The following LEKR1 variants were observed in gnomAD, a reference collection of about 807,000 sequenced individuals.
The protein encoded by LEKR1 is protein LEKR1.
In LEKR1, 59 loss-of-function variants were observed where a neutral mutation model predicts 72.4. The observed-to-expected ratio is 0.82, with a 90% CI of 0.66 to 1.01. The LOEUF (loss-of-function observed/expected upper bound fraction) is 1.01. Among genes scored for constraint, LEKR1 ranks in the 50% least tolerant of loss-of-function variants. The pLI is 0.00. For missense variants in LEKR1, 728 were observed against 759.2 expected (o/e 0.96, Z 0.48); for synonymous variants, 257 against 263.2 (o/e 0.98, Z 0.23).
At chr3:156,895,825 G>A (rs1721124884) in intron 3 of LEKR1, among the ~76,000 whole-genome samples, 1 of 152,118 alleles carries the variant, frequency 6.6e-6, no homozygotes, top group South Asian at 2.1e-4. Flanking sequence ...TCTAGAAGGA[G>A]AAATACCATT....
chr3:156,869,470 T>A (rs9826073), intron 3 of LEKR1, among the ~76,000 whole-genome samples: 132,105 of 152,106 alleles, frequency 0.87, 57,680 homozygotes, highest in African/African-American at 0.96. Context: ...ACATTTTTTC[T>A]TATACCTGTT....
At chr3:157,010,240 G>T in intron 9 of LEKR1, among the ~76,000 whole-genome samples, 1 of 151,336 alleles carries the variant, frequency 6.6e-6, no homozygotes, top group South Asian at 2.1e-4. Context: ...ACTTTCTTCT[G>T]CCTATCTTGG....
At chr3:157,015,374 T>C (rs1031384636) in intron 10 of LEKR1, among the ~76,000 whole-genome samples, 1 of 152,168 alleles carries the variant, frequency 6.6e-6, no homozygotes, top group African/African-American at 2.4e-5. Flanking sequence ...AGAGAGAATA[T>C]TGAATACTTG....
intron 6 of LEKR1, chr3:156,977,597 C>A: frequency 3.5e-6 from 1 of 288,798 alleles, no homozygotes; most frequent in Non-Finnish European, 7.0e-6. Flanking sequence ...ACATATGCAA[C>A]AAAGTATACA....
intron 3 of LEKR1, among the ~76,000 whole-genome samples, chr3:156,899,762 A>ATACATGCATATATACACATATG (rs1721803675): frequency 3.9e-5 from 5 of 128,766 alleles, no homozygotes; most frequent in African/African-American, 1.3e-4. Flanking sequence ...ATACACATAT[A>ATACATGCATATATACACATATG]CATGCATATA....
intron 2 of LEKR1, 36 bp from the exon 3 acceptor site, chr3:156,852,732 T>A (rs925855572): frequency 1.9e-5 from 22 of 1,146,110 alleles, no homozygotes; most frequent in South Asian, 3.2e-5. Context: ...TTTTCAGAAT[T>A]AAAAAAATTT....
At chr3:156,840,152 A>T (rs949523824) in intron 2 of LEKR1, among the ~76,000 whole-genome samples, 1 of 152,160 alleles carries the variant, frequency 6.6e-6, no homozygotes, top group South Asian at 2.1e-4. Flanking sequence ...AATATGCATT[A>T]ATTGAATGTT....
chr3:156,961,825 A>G (rs1728158914), intron 6 of LEKR1, among the ~76,000 whole-genome samples: 1 of 152,216 alleles, frequency 6.6e-6, no homozygotes, highest in Admixed American at 6.5e-5. Flanking sequence ...CTACCTTAAT[A>G]CATTAGAATA....
At chr3:156,844,110 T>C (rs1408544760) in intron 2 of LEKR1, among the ~76,000 whole-genome samples, 1 of 151,854 alleles carries the variant, frequency 6.6e-6, no homozygotes, top group African/African-American at 2.4e-5. Context: ...AGTGGAAAAA[T>C]AGGTATTGGA....
chr3:156,943,413 A>C (rs1016052653), intron 6 of LEKR1, among the ~76,000 whole-genome samples: 2 of 151,924 alleles, frequency 1.3e-5, no homozygotes, highest in Admixed American at 6.6e-5. Flanking sequence ...TGTGCTAGAC[A>C]CTTTATGTGA....
intron 9 of LEKR1, among the ~76,000 whole-genome samples, chr3:157,006,170 T>A (rs1184853035): frequency 6.7e-6 from 1 of 149,362 alleles, no homozygotes; most frequent in African/African-American, 2.5e-5. Context: ...CGCGCCCGGC[T>A]AATTTTTTGT....
chr3:156,988,302 CA>C, intron 7 of LEKR1: 1 of 209,094 alleles, frequency 4.8e-6, no homozygotes. Context: ...AGAACAGTAC[CA>C]AAGACAGCAC....
chr3:156,842,837 C>T (rs902081447), intron 2 of LEKR1, among the ~76,000 whole-genome samples: 4 of 152,162 alleles, frequency 2.6e-5, no homozygotes, highest in African/African-American at 9.7e-5. Context: ...AGGTCTTTTT[C>T]CTTTTTTATC....
At chr3:156,866,930 A>C (rs760640588) in intron 3 of LEKR1, among the ~76,000 whole-genome samples, 1 of 152,028 alleles carries the variant, frequency 6.6e-6, no homozygotes, top group Non-Finnish European at 1.5e-5. Flanking sequence ...CTTGATGATG[A>C]TGTTGATTGA....
intron 3 of LEKR1, among the ~76,000 whole-genome samples, chr3:156,865,500 C>T (rs555848222): frequency 6.6e-6 from 1 of 152,090 alleles, no homozygotes; most frequent in East Asian, 1.9e-4. Context: ...TATCACCTTC[C>T]TCTTAAATAT....
At position 156,852,935 on chromosome 3, in the gene LEKR1, C is replaced by T. The variant is rs963299668; in HGVS notation, c.216C>T (p.Ser72=). The part of the protein sequence containing the change: ...KRLQEKLHSL[S]QELEQYKIDN... ...TTCAAGAAAAGCTGCATTCTCTTAG[C>T]CAAGAACTTGAACAGTACAAAATTG... The change falls in exon 3 of 13, where the codon AGC becomes AGT. Residue 72 remains serine (S), a synonymous_variant. Transcript: ENST00000356539. 1.3e-6 allele frequency: 2 copies of T among 1,535,342 alleles called. No homozygotes were observed. Among genetic ancestry groups the T allele is most frequent in the African/African-American group, 2.7e-5 (2 of 72,804 alleles).
intron 6 of LEKR1, among the ~76,000 whole-genome samples, chr3:156,973,388 GC>G (rs767411823): frequency 3.3e-5 from 5 of 151,978 alleles, no homozygotes; most frequent in Non-Finnish European, 7.4e-5. Context: ...ATATATAGAT[GC>G]TATTCGAAGC....
chr3:156,939,958 A>G (rs1338487722), intron 5 of LEKR1, among the ~76,000 whole-genome samples: 1 of 152,150 alleles, frequency 6.6e-6, no homozygotes, highest in Non-Finnish European at 1.5e-5. Context: ...ATTTTATTCA[A>G]TTAAAAATGT....
chr3:156,845,889 G>T (rs2108534501), intron 2 of LEKR1, among the ~76,000 whole-genome samples: 1 of 152,094 alleles, frequency 6.6e-6, no homozygotes, highest in Non-Finnish European at 1.5e-5. Flanking sequence ...ATAGAAATTG[G>T]ATTATACCAA....
Sources: gnomAD v4.1 joint callset for allele counts (sites outside exome capture counted in the v4.1 genomes callset) on GRCh38, gnomAD v4.1.1 for gene constraint, MANE v1.5 for transcripts, NCBI Gene and HGNC (gene_info 2026-07-23, HGNC 2026-07-21) for gene names.